Variants in ISLR2 observed in about 807,000 individuals in gnomAD.
ISLR2 encodes the protein immunoglobulin superfamily containing leucine-rich repeat protein 2.
Under a neutral mutation model 25.5 loss-of-function variants are expected in ISLR2, and 16 were observed. That is an observed-to-expected ratio of 0.63 (90% CI 0.43 to 0.95). The LOEUF is 0.95. ISLR2 is among the 40% of genes least tolerant of loss of function. The pLI is 0.00. For missense variants in ISLR2, 883 were observed against 1,030.7 expected (o/e 0.86, Z 1.96); for synonymous variants, 508 against 486.6 (o/e 1.04, Z -0.58).
intron 2 of ISLR2, among the ~76,000 whole-genome samples, chr15:74,121,478 A>G (rs1212567940): frequency 6.6e-6 from 1 of 152,040 alleles, no homozygotes; most frequent in Non-Finnish European, 1.5e-5. Flanking sequence ...CGCTGCACTG[A>G]GGCACCCTTC....
rs1431104081 is a variant in ISLR2, at chr15:74,136,331, C to T, written c.*1339C>T. The T allele has an allele frequency of 1.8e-5, 3 of 164,816 alleles. No homozygotes were observed. The highest frequency in any genetic ancestry group is 4.4e-5 in the Non-Finnish European group (3 of 68,204). The allele number at this position is 164,816 out of a possible 1,614,324, so 10.2% of individuals were successfully genotyped here. On this transcript the variant is annotated 3_prime_UTR_variant, in exon 3 of 3. Coordinates refer to ENST00000453268, the MANE Select transcript of ISLR2 (RefSeq NM_020851.3). ...CCGGGCCGCGGCTCTCTGGAGGGCT[C>T]GCGCCCTAGTTCGCACAAAGCCTGC...
At chr15:74,130,871 G>A (rs956828365) in intron 1 of ISLR2, among the ~76,000 whole-genome samples, 1 of 152,070 alleles carries the variant, frequency 6.6e-6, no homozygotes, top group African/African-American at 2.4e-5. Context: ...CAATGCCAGC[G>A]GCTGTGTAAA....
At chr15:74,138,881 G>T (rs1019734813), downstream of ISLR2, among the ~76,000 whole-genome samples, 3 of 152,208 alleles carry the variant, frequency 2.0e-5, no homozygotes, top group African/African-American at 7.2e-5. Context: ...CCTAGGGCCT[G>T]TTTAGGAATC....
At chr15:74,124,530 G>A (rs1278823854), upstream of ISLR2, among the ~76,000 whole-genome samples, 9 of 152,148 alleles carry the variant, frequency 5.9e-5, no homozygotes, top group Admixed American at 3.3e-4. Context: ...AGGCTGAGGC[G>A]GAAGGATCAC....
At chr15:74,100,348 CTGGAGG>C (rs1427604736) in exon 1 of ISLR2, 1 of 1,217,104 alleles carries the variant, frequency 8.2e-7, no homozygotes, top group Non-Finnish European at 1.0e-6. Context: ...CCGCAGCCCG[CTGGAGG>C]TGCCGGGGGC....
chr15:74,110,681 G>A (rs1595936840), intron 2 of ISLR2, among the ~76,000 whole-genome samples: 1 of 151,340 alleles, frequency 6.6e-6, no homozygotes, highest in Non-Finnish European at 1.5e-5. Context: ...AAAAGGCTGG[G>A]CATGGTGTCT....
At position 74,136,303 on chromosome 15, in the gene ISLR2, C is replaced by G. The variant is rs752400236; in HGVS notation, c.*1311C>G. The G allele has an allele frequency of 1.2e-5, 2 of 165,324 alleles. No individual in the cohort carries two copies. Among genetic ancestry groups the G allele is most frequent in the Non-Finnish European group, 2.9e-5 (2 of 68,264 alleles). 10.2% of individuals were successfully genotyped at this position (165,324 alleles called of 1,614,324 possible). ...GGAGGCGGAGGAAGCTGACTGTGGC[C>G]TCCCGGGCCGCGGCTCTCTGGAGGG... On this transcript the variant is annotated 3_prime_UTR_variant, in exon 3 of 3. Transcript: ENST00000453268.
upstream of ISLR2, among the ~76,000 whole-genome samples, chr15:74,124,210 T>A (rs1047318771): frequency 6.6e-6 from 1 of 151,230 alleles, no homozygotes; most frequent in Non-Finnish European, 1.5e-5. Context: ...TGATACAATA[T>A]TAGGCTACTC....
chr15:74,126,347 A>ATTTTTTT (rs869162947), upstream of ISLR2: 24 of 93,940 alleles, frequency 2.6e-4, 3 homozygotes, highest in African/African-American at 7.7e-4. Context: ...AAGCATAGGT[A>ATTTTTTT]TTTTTTTTTT....
At chr15:74,120,607 A>G (rs774231575) in intron 2 of ISLR2, among the ~76,000 whole-genome samples, 17 of 151,550 alleles carry the variant, frequency 1.1e-4, no homozygotes, top group Non-Finnish European at 2.2e-4. Flanking sequence ...ACGGTGGTGC[A>G]CTCATAGAGT....
intron 1 of ISLR2, among the ~76,000 whole-genome samples, chr15:74,102,747 T>C (rs2072090049): frequency 6.6e-6 from 1 of 152,006 alleles, no homozygotes; most frequent in African/African-American, 2.4e-5. Context: ...TGTATATATG[T>C]TAACGTACAG....
chr15:74,113,258 G>A (rs779008209), intron 2 of ISLR2, among the ~76,000 whole-genome samples: 1 of 152,158 alleles, frequency 6.6e-6, no homozygotes, highest in African/African-American at 2.4e-5. Flanking sequence ...CCAGGTCACC[G>A]ACGGGTACAG....
chr15:74,139,829 A>G (rs1332914544), downstream of ISLR2, among the ~76,000 whole-genome samples: 5 of 150,024 alleles, frequency 3.3e-5, no homozygotes, highest in Admixed American at 3.3e-4. Flanking sequence ...ACTTATTTGG[A>G]TACTACATGG....
chr15:74,129,015 G>C (rs548965767), upstream of ISLR2: 108 of 456,702 alleles, frequency 2.4e-4, no homozygotes, highest in African/African-American at 1.9e-3. The surrounding 1 kb of genome is among the most constrained non-coding windows in gnomAD (Gnocchi z 4.5). Flanking sequence ...TCCCCGGCAG[G>C]GACGGGTCAC....
chr15:74,113,069 G>T (rs1158139697), intron 2 of ISLR2, among the ~76,000 whole-genome samples: 1 of 152,210 alleles, frequency 6.6e-6, no homozygotes. Flanking sequence ...TTCCACTTCA[G>T]ATCATCAGGC....
At chr15:74,108,916 C>T (rs1393345726) in intron 2 of ISLR2, among the ~76,000 whole-genome samples, 2 of 152,164 alleles carry the variant, frequency 1.3e-5, no homozygotes, top group Non-Finnish European at 2.9e-5. Context: ...TGCCCAGGCC[C>T]AGGGTGTGAC....
chr15:74,133,897 G>A lies in ISLR2; in HGVS notation c.1143G>A (p.Ala381=), dbSNP rs765496771. The A allele has an allele frequency of 6.2e-7, 1 of 1,606,078 alleles. No individual in the cohort carries two copies. The highest frequency in any genetic ancestry group is 8.5e-7 in the Non-Finnish European group (1 of 1,176,590). Reference sequence around the variant, plus strand: ...CAGCAACCGGGCCCCCAAAACACGCGCCTGGCGCCGGGGGAGAACCCGACG... The same window carrying A: ...CAGCAACCGGGCCCCCAAAACACGCACCTGGCGCCGGGGGAGAACCCGACG... The part of the protein sequence containing the change: ...AVAATGPPKH[A]PGAGGEPDGQ... The change falls in exon 3 of 3, where the codon GCG becomes GCA. Residue 381 remains alanine (A), a synonymous_variant. Coordinates refer to ENST00000453268, the MANE Select transcript of ISLR2 (RefSeq NM_020851.3).
Position 74,133,743 on chromosome 15 carries a change from C to T in ISLR2, c.989C>T (p.Pro330Leu). 6.2e-7 allele frequency: 1 copy of T among 1,612,562 alleles called. No individual in the cohort carries two copies. The highest frequency in any genetic ancestry group is 8.5e-7 in the Non-Finnish European group (1 of 1,179,360). ...GCTTGGCCGGCGCCCCCAGCCACAC[C>T]GCGCTTCCTGGCCCTCGCAAATGGC... ...APAWPAPPAT[P>L]RFLALANGSL... Residue 330 changes from proline (P) to leucine (L), a missense_variant, in exon 3 of 3, where the codon CCG (proline) becomes CTG (leucine). Around this residue, in one of 2 missense-constraint regions of ISLR2, gnomAD observed 612 missense variants for 642.8 expected, o/e 0.95. Transcript: ENST00000453268.
chr15:74,113,844 A>G (rs1237997133), intron 2 of ISLR2, among the ~76,000 whole-genome samples: 1 of 152,184 alleles, frequency 6.6e-6, no homozygotes, highest in African/African-American at 2.4e-5. Context: ...CTCTGTGACC[A>G]CTGAAATCGC....
Sources: gnomAD v4.1 joint callset for allele counts (sites outside exome capture counted in the v4.1 genomes callset) on GRCh38, gnomAD v4.1.1 for gene constraint, gnomAD v4.1.1 regional missense constraint, Gnocchi (gnomAD v3.1) non-coding constraint, MANE v1.5 for transcripts, NCBI Gene and HGNC (gene_info 2026-07-23, HGNC 2026-07-21) for gene names.